The following NAPB variants were observed in gnomAD, a reference collection of about 807,000 sequenced individuals.
NAPB encodes beta-soluble NSF attachment protein.
Under a neutral mutation model 44.7 loss-of-function variants are expected in NAPB, and 26 were observed. That is an observed-to-expected ratio of 0.58 (90% confidence interval 0.43 to 0.81). The LOEUF (loss-of-function observed/expected upper bound fraction) is 0.81, where lower values mean the gene tolerates loss of function less well. Among genes scored for constraint, NAPB ranks in the 30% least tolerant of loss-of-function variants. The probability of loss-of-function intolerance (pLI) is 0.00; values close to 1 mark genes in which losing one functional copy is unlikely to be tolerated. For synonymous variants in NAPB, 120 were observed against 116.8 expected (o/e 1.03, Z -0.18); for missense variants, 315 against 356.4 (o/e 0.88, Z 0.94).
Position 23,375,398 on chromosome 20 carries a change from T to C in NAPB, c.*1978A>G, listed in dbSNP as rs1982430908. The stretch of plus-strand genomic sequence containing the variant: ...TACTTTAAGTGGTCAGACCAGAAGA[T>C]TCTTTAAACAAGTAGAAACAAACTA... On this transcript the variant is annotated 3_prime_UTR_variant, in exon 11 of 11. Coordinates refer to ENST00000377026, the MANE Select transcript of NAPB (RefSeq NM_022080.3). The C allele has an allele frequency of 6.6e-6, 1 of 152,198 alleles. No homozygotes were observed. Among genetic ancestry groups the C allele is most frequent in the Admixed American group, 6.5e-5 (1 of 15,286 alleles). The allele number at this position is 152,198 out of a possible 1,614,324, so 9.4% of individuals were successfully genotyped here. A position where few individuals can be genotyped will look rare whatever the true frequency, so the allele number is the denominator to read the frequency against.
chr20:23,378,421 AAT>A (rs965119350), intron 10 of NAPB, among the ~76,000 whole-genome samples: 5 of 148,884 alleles, frequency 3.4e-5, no homozygotes, highest in East Asian at 1.9e-4. Flanking sequence ...TCATATTTTT[AAT>A]ATATATATAT....
intron 7 of NAPB, 65 bp from the exon 8 acceptor site, chr20:23,381,382 C>T: frequency 1.0e-6 from 1 of 959,126 alleles, no homozygotes; most frequent in Non-Finnish European, 1.6e-6. Context: ...AAGTCATTCT[C>T]ATCTGTTGTC....
chr20:23,375,391 C>A lies in NAPB; in HGVS notation c.*1985G>T, dbSNP rs919831959. 5.3e-5 allele frequency: 8 copies of A among 152,144 alleles called. No individual in the cohort carries two copies. Among genetic ancestry groups the A allele is most frequent in the African/African-American group, 1.9e-4 (8 of 41,412 alleles). 9.4% of individuals were successfully genotyped at this position (152,144 alleles called of 1,614,324 possible). On this transcript the variant is annotated 3_prime_UTR_variant, in exon 11 of 11. Coordinates refer to ENST00000377026, the MANE Select transcript of NAPB (RefSeq NM_022080.3). The stretch of plus-strand genomic sequence containing the variant: ...TAGTTTTTACTTTAAGTGGTCAGAC[C>A]AGAAGATTCTTTAAACAAGTAGAAA...
chr20:23,417,510 G>A (rs1207441519), intron 1 of NAPB, among the ~76,000 whole-genome samples: 30 of 152,164 alleles, frequency 2.0e-4, no homozygotes, highest in Non-Finnish European at 4.0e-4. Context: ...CTATCTTAAT[G>A]TCAGACTCAG....
chr20:23,413,563 C>G (rs550866372), intron 1 of NAPB, among the ~76,000 whole-genome samples: 1 of 151,994 alleles, frequency 6.6e-6, no homozygotes, highest in South Asian at 2.1e-4. Flanking sequence ...TAGAACAAAT[C>G]AATCAAAATA....
chr20:23,383,452 C>T (rs1983205251), intron 7 of NAPB, among the ~76,000 whole-genome samples: 1 of 152,122 alleles, frequency 6.6e-6, no homozygotes, highest in Non-Finnish European at 1.5e-5. Flanking sequence ...CGTTGTGGCT[C>T]ATGCCTGTAA....
chr20:23,389,851 G>A (rs1476560210), intron 7 of NAPB, 95 bp downstream of exon 7: 1 of 1,035,654 alleles, frequency 9.7e-7, no homozygotes, highest in Non-Finnish European at 1.5e-6. Context: ...ATTACGTGAT[G>A]TGTGGATTAT....
At chr20:23,382,268 AC>A (rs1983070226) in intron 7 of NAPB, among the ~76,000 whole-genome samples, 3 of 152,254 alleles carry the variant, frequency 2.0e-5, no homozygotes, top group South Asian at 4.1e-4. Flanking sequence ...TTCTACCTCC[AC>A]CTGGCAGTAA....
At chr20:23,397,937 C>G (rs1262792178) in intron 2 of NAPB, among the ~76,000 whole-genome samples, 1 of 152,052 alleles carries the variant, frequency 6.6e-6, no homozygotes, top group African/African-American at 2.4e-5. Flanking sequence ...GGATCAGGGA[C>G]CATGGATTCT....
At chr20:23,418,806 G>A (rs1426772779) in intron 1 of NAPB, among the ~76,000 whole-genome samples, 1 of 151,858 alleles carries the variant, frequency 6.6e-6, no homozygotes, top group Non-Finnish European at 1.5e-5. Flanking sequence ...AATTAGCCGG[G>A]CGTGGTGGCG....
rs6114073 is a variant in NAPB, at chr20:23,375,513, G to T, written c.*1863C>A. The stretch of plus-strand genomic sequence containing the variant: ...TGGCTGGTTGTAGGATATATTATTA[G>T]GTGGGGAAACAAAACCCCACTTTTC... On this transcript the variant is annotated 3_prime_UTR_variant, in exon 11 of 11. Coordinates refer to ENST00000377026, the MANE Select transcript of NAPB (RefSeq NM_022080.3). 6.6e-5 allele frequency: 10 copies of T among 152,004 alleles called. No individual in the cohort carries two copies. Among genetic ancestry groups the T allele is most frequent in the African/African-American group, 2.4e-4 (10 of 41,390 alleles). The allele number at this position is 152,004 out of a possible 1,614,324, so 9.4% of individuals were successfully genotyped here. A position where few individuals can be genotyped will look rare whatever the true frequency, so the allele number is the denominator to read the frequency against.
intron 1 of NAPB, among the ~76,000 whole-genome samples, chr20:23,412,758 G>A (rs1427607945): frequency 6.6e-6 from 1 of 152,234 alleles, no homozygotes; most frequent in Non-Finnish European, 1.5e-5. Context: ...CACTTTGGGA[G>A]GCCAAGGCAA....
intron 7 of NAPB, among the ~76,000 whole-genome samples, chr20:23,386,137 T>A (rs1451099200): frequency 6.6e-6 from 1 of 152,142 alleles, no homozygotes; most frequent in Non-Finnish European, 1.5e-5. Flanking sequence ...AATAAAAGTA[T>A]AATGATATAA....
chr20:23,411,574 T>C (rs918769261), intron 1 of NAPB, among the ~76,000 whole-genome samples: 15 of 151,332 alleles, frequency 9.9e-5, no homozygotes, highest in African/African-American at 3.6e-4. Flanking sequence ...TAAGACAAAA[T>C]GTAAGGACAA....
At chr20:23,379,230 G>A in intron 10 of NAPB, 1 of 457,880 alleles carries the variant, frequency 2.2e-6, no homozygotes, top group East Asian at 3.3e-5. Flanking sequence ...TAGTCTCACA[G>A]CTAAATTAGT....
chr20:23,377,912 T>G (rs1270979231), intron 10 of NAPB, among the ~76,000 whole-genome samples: 1 of 152,116 alleles, frequency 6.6e-6, no homozygotes, highest in Non-Finnish European at 1.5e-5. Flanking sequence ...AAAATAAAAT[T>G]ACAATAGGAT....
chr20:23,379,306 T>A (rs1394638535), intron 10 of NAPB, 139 bp downstream of exon 10: 1 of 607,112 alleles, frequency 1.6e-6, no homozygotes, highest in Admixed American at 3.5e-5. Flanking sequence ...ATATAAAAGG[T>A]GACGTTTGGA....
At chr20:23,412,174 G>A (rs1315476910) in intron 1 of NAPB, among the ~76,000 whole-genome samples, 2 of 152,100 alleles carry the variant, frequency 1.3e-5, no homozygotes, top group African/African-American at 4.8e-5. Context: ...TCTCTACTCT[G>A]GAATGTAGCA....
intron 1 of NAPB, among the ~76,000 whole-genome samples, chr20:23,412,976 TGAGACTCTGTCTCCAAAAAAATAAA>T (rs1985761210): frequency 6.6e-6 from 1 of 152,006 alleles, no homozygotes; most frequent in Non-Finnish European, 1.5e-5. Context: ...GGCAACAGCG[TGAGACTCTGTCTCCAAAAAAATAAA>T]GTGTACATGG....
Sources: gnomAD v4.1 joint callset for allele counts (sites outside exome capture counted in the v4.1 genomes callset) on GRCh38, gnomAD v4.1.1 for gene constraint, MANE v1.5 for transcripts, NCBI Gene and HGNC (gene_info 2026-07-23, HGNC 2026-07-21) for gene names.